The following ZNF783 variants were observed in gnomAD, a reference collection of about 807,000 sequenced individuals.
The protein encoded by ZNF783 is protein ZNF783.
In ZNF783, 25 loss-of-function variants were observed where a neutral mutation model predicts 31.3. The observed-to-expected ratio is 0.80, with a 90% CI of 0.58 to 1.11. The LOEUF is 1.11. Ranked by LOEUF, ZNF783 falls within the 50% of genes most tolerant of loss-of-function variation. The pLI is 0.00. For synonymous variants in ZNF783, 369 were observed against 319.1 expected, an observed-to-expected ratio of 1.16 and a Z score of -1.66; for missense variants, 797 against 760.0, an observed-to-expected ratio of 1.05 and a Z score of -0.57.
chr7:149,268,251 A>ATCTAATACCG (rs1797132782), intron 4 of ZNF783, among the ~76,000 whole-genome samples: 1 of 152,096 alleles, frequency 6.6e-6, no homozygotes, highest in South Asian at 2.1e-4. Flanking sequence ...ATCTAATACC[A>ATCTAATACCG]TCTAATACCT....
rs773416455 is a variant in ZNF783 at position 149,281,777 on chromosome 7, C to T, written c.1075C>T (p.Arg359Cys). The T allele has an allele frequency of 1.6e-5, 24 of 1,510,434 alleles. No homozygotes were observed. The highest frequency in any genetic ancestry group is 1.8e-5 in the Non-Finnish European group (20 of 1,138,672). 93.6% of individuals were successfully genotyped at this position (1,510,434 alleles called of 1,614,324 possible). ...FPCPDCGQSF[R>C]LKINLTIHQR... is the part of the protein sequence containing the mutation. ...CTGCCCCGACTGCGGGCAGAGCTTC[C>T]GCCTGAAGATCAATCTGACGATTCA... The change falls in exon 6 of 6, where the codon CGC becomes TGC. Residue 359 changes from arginine (R) to cysteine (C), a missense_variant. By Grantham distance (180) the Arg-to-Cys change is radical. Transcript: ENST00000434415.
chr7:149,267,809 A>G (rs1306227147), intron 4 of ZNF783, among the ~76,000 whole-genome samples: 1 of 152,028 alleles, frequency 6.6e-6, no homozygotes, highest in Non-Finnish European at 1.5e-5. Context: ...AAAAAAAATA[A>G]TGGGGACTTA....
intron 4 of ZNF783, chr7:149,276,317 T>G (rs976562113): frequency 8.1e-5 from 80 of 987,342 alleles, no homozygotes; most frequent in Non-Finnish European, 8.9e-5. Context: ...TGGGGCTGTT[T>G]AGTAGGATGG....
chr7:149,282,332 G>C lies in ZNF783; in HGVS notation c.1630G>C (p.Glu544Gln). 1 of 1,522,430 alleles carries C rather than the reference G, an allele frequency of 6.6e-7. No individual in the cohort carries two copies. The highest frequency in any genetic ancestry group is 8.8e-7 in the Non-Finnish European group (1 of 1,141,496). The allele number at this position is 1,522,430 out of a possible 1,614,324, so 94.3% of individuals were successfully genotyped here. A position where few individuals can be genotyped will look rare whatever the true frequency, so the allele number is the denominator to read the frequency against. Residue 544 changes from glutamate (E) to glutamine (Q), a missense_variant, in exon 6 of 6, where the codon GAG becomes CAG. Transcript: ENST00000434415. ...SLPLPWPSRK[E>Q]EG ...GCCCCTGCCCTGGCCCAGCCGGAAG[G>C]AGGAGGGCTGACCTGGCAGGAGCCC...
In ZNF783 at chr7:149,282,459, G is replaced by A; in HGVS notation, c.*116G>A. Reference sequence around the variant, plus strand: ...TTGTTTTTACCCATTCAAATGGGAAGCTAGCTGCCCTTCTGGTGACATTGT... The same window carrying A: ...TTGTTTTTACCCATTCAAATGGGAAACTAGCTGCCCTTCTGGTGACATTGT... On this transcript the variant is annotated 3_prime_UTR_variant, in exon 6 of 6. Coordinates refer to ENST00000434415, the MANE Select transcript of ZNF783 (RefSeq NM_001195220.2). 1 of 936,322 alleles carries A rather than the reference G, an allele frequency of 1.1e-6. No homozygotes were observed. The highest frequency in any genetic ancestry group is 1.5e-6 in the Non-Finnish European group (1 of 651,486). 58.0% of individuals were successfully genotyped at this position (936,322 alleles called of 1,614,324 possible).
In ZNF783 at chr7:149,281,830, G is replaced by T. The variant is rs758939504; in HGVS notation, c.1128G>T (p.Arg376=). ...IHQRTHVEEG[R]QEAPGRSPTS... Reference sequence around the variant, plus strand: ...AGCGGACCCATGTGGAGGAGGGGCGGCAGGAGGCCCCCGGCCGCTCGCCCA... The same window carrying T: ...AGCGGACCCATGTGGAGGAGGGGCGTCAGGAGGCCCCCGGCCGCTCGCCCA... The change falls in exon 6 of 6, where the codon CGG becomes CGT. Residue 376 remains arginine, a synonymous_variant. Transcript: ENST00000434415. 4.7e-6 allele frequency: 7 copies of T among 1,504,218 alleles called. No homozygotes were observed. The highest frequency in any genetic ancestry group is 6.2e-6 in the Non-Finnish European group (7 of 1,136,958). The allele number at this position is 1,504,218 out of a possible 1,614,324, so 93.2% of individuals were successfully genotyped here.
At chr7:149,272,640 G>A (rs1797233606) in intron 4 of ZNF783, among the ~76,000 whole-genome samples, 1 of 151,858 alleles carries the variant, frequency 6.6e-6, no homozygotes, top group Non-Finnish European at 1.5e-5. Context: ...TATTTATGGG[G>A]TACATGAGAT....
In ZNF783 at chr7:149,278,466, G is replaced by A; in HGVS notation, c.741G>A (p.Gly247=). The change falls in exon 5 of 6, where the codon GGG becomes GGA. Residue 247 remains glycine, a synonymous_variant. Transcript: ENST00000434415. ...LSPAQEELKE[G]QAPKQQQDSE... is the part of the protein sequence containing the mutation. ...CTGCCCAGGAGGAGCTGAAAGAAGG[G>A]CAGGCCCCCAAGCAGCAGCAGGACT... The A allele has an allele frequency of 3.1e-6, 5 of 1,599,302 alleles. No homozygotes were observed. Among genetic ancestry groups the A allele is most frequent in the Non-Finnish European group, 4.2e-6 (5 of 1,179,764 alleles).
chr7:149,264,441 G>C (rs1048696188), intron 1 of ZNF783, among the ~76,000 whole-genome samples: 6 of 152,206 alleles, frequency 3.9e-5, no homozygotes, highest in Non-Finnish European at 8.8e-5. Flanking sequence ...GCTGGAGCAC[G>C]ACAGGAACTG....
At chr7:149,270,938 A>T (rs1439412524) in intron 4 of ZNF783, among the ~76,000 whole-genome samples, 1 of 152,196 alleles carries the variant, frequency 6.6e-6, no homozygotes, top group Non-Finnish European at 1.5e-5. Context: ...TTCTAATTCA[A>T]ATTTAATGTT....
chr7:149,273,847 A>G (rs940409567), intron 4 of ZNF783, among the ~76,000 whole-genome samples: 2 of 152,216 alleles, frequency 1.3e-5, no homozygotes, highest in Non-Finnish European at 2.9e-5. Context: ...CCCAAGCTGT[A>G]TGCCATCTTT....
At position 149,281,919 on chromosome 7, in the gene ZNF783, TCCGCTGGCTCCCCGAGGAG is replaced by T. The variant is rs1227633805; in HGVS notation, c.1220_1238del (p.Arg407LeufsTer152). 1 of 1,530,700 alleles carries T rather than the reference TCCGCTGGCTCCCCGAGGAG, an allele frequency of 6.5e-7. No homozygotes were observed. The highest frequency in any genetic ancestry group is 2.3e-5 in the East Asian group (1 of 43,176). 94.8% of individuals were successfully genotyped at this position (1,530,700 alleles called of 1,614,324 possible). The stretch of plus-strand genomic sequence containing the variant: ...GAGGTGGTGGTACCCGGCCCTGTCA[TCCGCTGGCTCCCCGAGGAG>T]CCTGAGGGTCGCCGCTCCGTGGCAG... On this transcript the variant is annotated frameshift_variant, in exon 6 of 6. Coordinates refer to ENST00000434415, the MANE Select transcript of ZNF783 (RefSeq NM_001195220.2). LOFTEE classifies it low-confidence loss of function (END_TRUNC).
At chr7:149,276,836 G>T (rs6942988) in intron 4 of ZNF783, among the ~76,000 whole-genome samples, 17,852 of 151,194 alleles carry the variant, frequency 0.12, 1,248 homozygotes, top group African/African-American at 0.19. Context: ...CATACTCGGC[G>T]TTTGGTGGTT....
chr7:149,282,325 C>A lies in ZNF783; in HGVS notation c.1623C>A (p.Ser541Arg). Residue 541 changes from serine to arginine, a missense_variant, in exon 6 of 6, where the codon AGC becomes AGA. Ser to Arg is a moderately radical substitution (Grantham distance 110, BLOSUM62 -1). Transcript: ENST00000434415. Reference sequence around the variant, plus strand: ...GGAGCCTGCCCCTGCCCTGGCCCAGCCGGAAGGAGGAGGGCTGACCTGGCA... The same window carrying A: ...GGAGCCTGCCCCTGCCCTGGCCCAGACGGAAGGAGGAGGGCTGACCTGGCA... The part of the protein sequence containing the change: ...RHGSLPLPWP[S>R]RKEEG The A allele has an allele frequency of 6.5e-7, 1 of 1,535,644 alleles. No individual in the cohort carries two copies. Among genetic ancestry groups the A allele is most frequent in the Non-Finnish European group, 8.7e-7 (1 of 1,148,230 alleles).
rs1585603285 is a variant in ZNF783, at chr7:149,262,239, C to T, written c.-95C>T. On this transcript the variant is annotated 5_prime_UTR_variant, in exon 1 of 6. Coordinates refer to ENST00000434415, the MANE Select transcript of ZNF783 (RefSeq NM_001195220.2). ...GCCCGGCAGTAGCTCTCAGGTTAGG[C>T]GGGTCCCGCTCCGCTTCCGCCGTCG... 4 of 1,171,842 alleles carry T rather than the reference C, an allele frequency of 3.4e-6. No individual in the cohort carries two copies. Among genetic ancestry groups the T allele is most frequent in the East Asian group, 3.5e-5 (1 of 28,460 alleles). The allele number at this position is 1,171,842 out of a possible 1,614,324, so 72.6% of individuals were successfully genotyped here.
At chr7:149,267,034 C>T in intron 3 of ZNF783, 63 bp from the exon 4 acceptor site, 4 of 1,609,854 alleles carry the variant, frequency 2.5e-6, no homozygotes, top group Non-Finnish European at 3.4e-6. Context: ...GTACTTTGGG[C>T]ATCTCTGCAT....
At chr7:149,276,719 G>A (rs1306153155) in intron 4 of ZNF783, 1 of 722,220 alleles carries the variant, frequency 1.4e-6, no homozygotes, top group African/African-American at 1.9e-5. Flanking sequence ...TGCCCAGGTT[G>A]GAATGCAACT....
At chr7:149,263,324 A>ATTTT (rs1210367064) in intron 1 of ZNF783, among the ~76,000 whole-genome samples, 38 of 108,292 alleles carry the variant, frequency 3.5e-4, no homozygotes, top group South Asian at 7.8e-4. Flanking sequence ...ATATATATAT[A>ATTTT]TTTTTTTTTT....
intron 4 of ZNF783, among the ~76,000 whole-genome samples, chr7:149,273,523 T>A (rs549847701): frequency 3.9e-4 from 59 of 152,186 alleles, no homozygotes; most frequent in African/African-American, 1.3e-3. Flanking sequence ...CACCTTTTCA[T>A]ATACCTGTTT....
Sources: gnomAD v4.1 joint callset for allele counts (sites outside exome capture counted in the v4.1 genomes callset) on GRCh38, gnomAD v4.1.1 for gene constraint, MANE v1.5 for transcripts, NCBI Gene and HGNC (gene_info 2026-07-23, HGNC 2026-07-21) for gene names.